The following ACTR3 variants were observed in gnomAD, a reference collection of about 807,000 sequenced individuals.
The protein encoded by ACTR3 is actin-related protein 3.
ACTR3 carries 12 observed loss-of-function variants against 56.8 expected under a neutral mutation model. That is an observed-to-expected ratio of 0.21 (90% CI 0.14 to 0.34). ACTR3 has a LOEUF of 0.34. Among genes scored for constraint, ACTR3 ranks in the 10% least tolerant of loss-of-function variants. The pLI is 1.00. For missense variants in ACTR3, 282 were observed against 512.5 expected, an observed-to-expected ratio of 0.55 and a Z score of 4.34; for synonymous variants, 162 against 167.4, an observed-to-expected ratio of 0.97 and a Z score of 0.25.
chr2:113,913,147 CTT>C (rs1205597633), intron 1 of ACTR3, 23 bp from the exon 2 acceptor site: 1 of 1,461,996 alleles, frequency 6.8e-7, no homozygotes, highest in Admixed American at 2.1e-5. Context: ...TTAGTGAAAT[CTT>C]TATAAATTAT....
rs1165995399 is a variant in ACTR3, at chr2:113,955,705, C to T, written c.1160C>T (p.Thr387Met). ...VWFGGSMLAS[T>M]PEFYQVCHTK... ...TTTGGAGGATCAATGCTGGCTTCCA[C>T]GGTGAGTGTGATGAAGCTTACTTTT... Residue 387 changes from threonine (T) to methionine (M), a missense_variant and splice_region_variant, in exon 11 of 12, where the codon ACG (threonine) becomes ATG (methionine). Transcript: ENST00000263238. 13 of 1,605,886 alleles carry T rather than the reference C, an allele frequency of 8.1e-6. No individual in the cohort carries two copies. The highest frequency in any genetic ancestry group is 3.3e-5 in the Admixed American group (2 of 59,906).
intron 4 of ACTR3, among the ~76,000 whole-genome samples, chr2:113,930,492 T>C (rs2104608351): frequency 6.6e-6 from 1 of 151,252 alleles, no homozygotes; most frequent in East Asian, 1.9e-4. Context: ...TGTGTCTTTT[T>C]TAAATTTAAA....
At chr2:113,900,985 C>G (rs970811977) in intron 1 of ACTR3, among the ~76,000 whole-genome samples, 4 of 152,230 alleles carry the variant, frequency 2.6e-5, no homozygotes, top group African/African-American at 9.6e-5. Flanking sequence ...TCTTACTCTA[C>G]TTGACAAATT....
chr2:113,942,947 T>G (rs1017447201), intron 8 of ACTR3, among the ~76,000 whole-genome samples: 6 of 152,240 alleles, frequency 3.9e-5, no homozygotes, highest in Non-Finnish European at 7.3e-5. Context: ...TTACTCTGCT[T>G]ATTTAATGTT....
intron 3 of ACTR3, among the ~76,000 whole-genome samples, chr2:113,919,722 T>C (rs1277245644): frequency 6.6e-6 from 1 of 151,178 alleles, no homozygotes; most frequent in Admixed American, 6.6e-5. Flanking sequence ...ATTGAGAATG[T>C]TAAAGGAAAA....
chr2:113,930,826 T>A (rs1446912043), intron 4 of ACTR3, among the ~76,000 whole-genome samples: 1 of 152,228 alleles, frequency 6.6e-6, no homozygotes, highest in African/African-American at 2.4e-5. Context: ...AGCTGTACCA[T>A]TAGATCTGTA....
chr2:113,898,490 T>C (rs962415364), intron 1 of ACTR3, among the ~76,000 whole-genome samples: 12 of 152,154 alleles, frequency 7.9e-5, no homozygotes, highest in African/African-American at 2.9e-4. Context: ...AATTAAGTAA[T>C]TGGAATAACA....
At chr2:113,939,592 C>G (rs1429126655) in intron 6 of ACTR3, among the ~76,000 whole-genome samples, 1 of 152,170 alleles carries the variant, frequency 6.6e-6, no homozygotes, top group Non-Finnish European at 1.5e-5. Flanking sequence ...ATGATAAGCA[C>G]TTTGTCACAT....
At chr2:113,923,603 G>T (rs1236300621) in intron 3 of ACTR3, among the ~76,000 whole-genome samples, 1 of 152,128 alleles carries the variant, frequency 6.6e-6, no homozygotes, top group East Asian at 1.9e-4. Context: ...CCAAAGTGCT[G>T]GGATTACAGG....
chr2:113,943,903 G>A (rs1273982164), intron 8 of ACTR3, among the ~76,000 whole-genome samples: 1 of 152,216 alleles, frequency 6.6e-6, no homozygotes, highest in Non-Finnish European at 1.5e-5. Flanking sequence ...GGGCTGTGGA[G>A]TAGAAAGGTG....
At chr2:113,945,798 C>G (rs1044974515) in intron 8 of ACTR3, among the ~76,000 whole-genome samples, 1 of 152,288 alleles carries the variant, frequency 6.6e-6, no homozygotes, top group South Asian at 2.1e-4. Flanking sequence ...TCTTCCCACT[C>G]TCCACCCTCC....
intron 1 of ACTR3, among the ~76,000 whole-genome samples, chr2:113,900,849 T>A (rs1226595318): frequency 6.6e-6 from 1 of 152,230 alleles, no homozygotes; most frequent in Non-Finnish European, 1.5e-5. Context: ...TCCAGGTTCT[T>A]CACTCAACAG....
rs933188773 is a variant in ACTR3 at position 113,893,139 on chromosome 2, A to G, written c.44+2816A>G. ...CTAAATAACAGAACTCAAACCTGCT[A>G]TTAGTGGTGAGAAAAGCATTTTCTT... On this transcript the variant is annotated intron_variant, in intron 1 of 11. Coordinates refer to ENST00000263238, the MANE Select transcript of ACTR3 (RefSeq NM_005721.5). Among the ~76,000 whole-genome samples, 6 of 152,278 alleles carry G rather than the reference A, an allele frequency of 3.9e-5. 1 individual carries two copies. The highest frequency in any genetic ancestry group is 3.4e-3 in the Middle Eastern group (1 of 294).
intron 3 of ACTR3, among the ~76,000 whole-genome samples, chr2:113,923,221 T>C (rs1299298941): frequency 6.6e-6 from 1 of 152,244 alleles, no homozygotes; most frequent in Non-Finnish European, 1.5e-5. Context: ...TTTGATATGC[T>C]CTTTGTTAAA....
chr2:113,918,049 C>T, intron 3 of ACTR3, among the ~76,000 whole-genome samples: 1 of 152,200 alleles, frequency 6.6e-6, no homozygotes. Flanking sequence ...ATGAGAGGGA[C>T]TAGAAGTGCA....
chr2:113,942,419 A>G (rs1679939919), intron 8 of ACTR3, 60 bp downstream of exon 8: 1 of 1,164,738 alleles, frequency 8.6e-7, no homozygotes, highest in African/African-American at 1.6e-5. Flanking sequence ...ATTAATAGAT[A>G]TTCAGAGAGA....
At position 113,931,351 on chromosome 2, in the gene ACTR3, A is replaced by G; in HGVS notation, c.387A>G (p.Ile129Met). The G allele has an allele frequency of 1.2e-6, 2 of 1,600,862 alleles. No homozygotes were observed. Among genetic ancestry groups the G allele is most frequent in the Non-Finnish European group, 8.5e-7 (1 of 1,173,994 alleles). ...TPENREYTAEIMFESFNVPGL... is the reference protein window; with the variant it reads ...TPENREYTAEMMFESFNVPGL... ...AAAACAGGGAATATACTGCTGAAAT[A>G]ATGTTTGAGTCCTTCAATGTTCCAG... is the stretch of plus-strand genomic sequence containing the variant. Residue 129 changes from isoleucine to methionine, a missense_variant, in exon 5 of 12, where the codon ATA (isoleucine) becomes ATG (methionine). Ile to Met is a conservative substitution (Grantham distance 10). Transcript: ENST00000263238.
At chr2:113,953,968 C>G (rs1487310733) in intron 10 of ACTR3, 1 of 152,158 alleles carries the variant, frequency 6.6e-6, no homozygotes, top group Non-Finnish European at 1.5e-5. Context: ...GTTACATACT[C>G]AATGTTTTTT....
rs947571423 is a variant in ACTR3 at position 113,961,819 on chromosome 2, T to C, written c.*4364T>C. The C allele has an allele frequency of 6.6e-6, 1 of 151,978 alleles. No homozygotes were observed. The highest frequency in any genetic ancestry group is 1.5e-5 in the Non-Finnish European group (1 of 67,862). The allele number at this position is 151,978 out of a possible 1,614,324, so 9.4% of individuals were successfully genotyped here. ...CATAAAAATGGTAGTGTTAGTTGTT[T>C]AGAGGGAGAAGTCCAGCTATGTAAG... On this transcript the variant is annotated 3_prime_UTR_variant, in exon 12 of 12. Transcript: ENST00000263238.
Sources: gnomAD v4.1 joint callset for allele counts (sites outside exome capture counted in the v4.1 genomes callset) on GRCh38, gnomAD v4.1.1 for gene constraint, MANE v1.5 for transcripts, NCBI Gene and HGNC (gene_info 2026-07-23, HGNC 2026-07-21) for gene names.